The following ROBO1 variants were observed in gnomAD, a reference collection of about 807,000 sequenced individuals.
The protein encoded by ROBO1 is roundabout homolog 1.
ROBO1 carries 149 observed loss-of-function variants against 195.9 expected under a neutral mutation model. The observed-to-expected ratio is 0.76, with a 90% CI of 0.67 to 0.87. ROBO1 has a LOEUF of 0.87. ROBO1 is among the 40% of genes least tolerant of loss of function. The probability of loss-of-function intolerance (pLI) is 0.00; values close to 1 mark genes in which losing one functional copy is unlikely to be tolerated. For synonymous variants in ROBO1, 816 were observed against 733.2 expected, an observed-to-expected ratio of 1.11 and a Z score of -1.82; for missense variants, 1,933 against 2,068.3, an observed-to-expected ratio of 0.93 and a Z score of 1.27.
intron 2 of ROBO1, among the ~76,000 whole-genome samples, chr3:79,205,218 C>T (rs988787695): frequency 6.6e-6 from 1 of 151,914 alleles, no homozygotes; most frequent in African/African-American, 2.4e-5. Flanking sequence ...GGTCTCAAAC[C>T]CCTGTCCTCA....
chr3:79,293,712 G>C (rs1401624976), intron 2 of ROBO1, among the ~76,000 whole-genome samples: 1 of 152,066 alleles, frequency 6.6e-6, no homozygotes, highest in Non-Finnish European at 1.5e-5. Context: ...GTAATTTATA[G>C]ATTCAATGCT....
chr3:78,795,280 T>G (rs1221432995), intron 4 of ROBO1, among the ~76,000 whole-genome samples: 1 of 152,232 alleles, frequency 6.6e-6, no homozygotes, highest in Non-Finnish European at 1.5e-5. Flanking sequence ...TCTCCATTAG[T>G]AAATATGAAG....
intron 8 of ROBO1, among the ~76,000 whole-genome samples, chr3:78,709,838 GATA>G (rs1312900855): frequency 6.6e-6 from 1 of 152,180 alleles, no homozygotes; most frequent in Non-Finnish European, 1.5e-5. Flanking sequence ...CACTCTTAGA[GATA>G]ACGGAATGGA....
At chr3:79,389,664 GA>G (rs1391854261) in intron 2 of ROBO1, among the ~76,000 whole-genome samples, 2 of 152,104 alleles carry the variant, frequency 1.3e-5, no homozygotes, top group Admixed American at 6.6e-5. Flanking sequence ...TATCTAAGTG[GA>G]ACCATCCATG....
intron 1 of ROBO1, among the ~76,000 whole-genome samples, chr3:79,592,361 C>T (rs746666798): frequency 1.3e-5 from 2 of 151,902 alleles, no homozygotes; most frequent in Non-Finnish European, 2.9e-5. Flanking sequence ...TAATATTCCT[C>T]AAATAAATTT....
At chr3:78,919,698 T>C (rs919318489) in intron 4 of ROBO1, among the ~76,000 whole-genome samples, 4 of 152,218 alleles carry the variant, frequency 2.6e-5, no homozygotes, top group African/African-American at 9.6e-5. Flanking sequence ...ACTTTGTCTT[T>C]ACATCACAGA....
chr3:79,137,955 C>T (rs1002248817), intron 2 of ROBO1, among the ~76,000 whole-genome samples: 1 of 152,004 alleles, frequency 6.6e-6, no homozygotes, highest in Admixed American at 6.5e-5. Context: ...AGAACTTCTT[C>T]ATGTGTCCTT....
chr3:79,490,303 C>T (rs1166867533), intron 2 of ROBO1, among the ~76,000 whole-genome samples: 1 of 152,192 alleles, frequency 6.6e-6, no homozygotes, highest in Non-Finnish European at 1.5e-5. Flanking sequence ...CCTTTGTCAT[C>T]CCCATGGACT....
intron 1 of ROBO1, among the ~76,000 whole-genome samples, chr3:79,675,013 T>C (rs1345584790): frequency 6.6e-6 from 1 of 151,934 alleles, no homozygotes; most frequent in African/African-American, 2.4e-5. Context: ...TAACAAAAAG[T>C]AAAAATGTCA....
chr3:78,990,045 C>A (rs547026866), intron 3 of ROBO1, among the ~76,000 whole-genome samples: 78 of 152,088 alleles, frequency 5.1e-4, no homozygotes, highest in African/African-American at 1.6e-3. Flanking sequence ...ATAGCAAGAG[C>A]CACTGCAGGA....
chr3:79,289,726 C>A (rs1025660689), intron 2 of ROBO1, among the ~76,000 whole-genome samples: 7 of 152,104 alleles, frequency 4.6e-5, no homozygotes, highest in African/African-American at 1.7e-4. Context: ...AATATTGTGA[C>A]TGGAGGGATA....
Position 79,613,715 on chromosome 3 carries a change from A to G in ROBO1, c.-50-23754T>C, listed in dbSNP as rs112304412. On this transcript the variant is annotated intron_variant, in intron 1 of 30. Transcript: ENST00000464233. ...TAGATATGAAAGTCCCAGAGAGGGA[A>G]TTCACTGGCTTTGCTTTGCCAAGGT... Among the ~76,000 whole-genome samples the G allele has an allele frequency of 4.3e-3, 651 of 152,172 alleles. 5 individuals carry two copies. Among genetic ancestry groups the G allele is most frequent in the African/African-American group, 0.015 (620 of 41,552 alleles).
intron 1 of ROBO1, among the ~76,000 whole-genome samples, chr3:79,622,371 G>A (rs1018655804): frequency 6.6e-6 from 1 of 152,194 alleles, no homozygotes; most frequent in Non-Finnish European, 1.5e-5. Flanking sequence ...CTAAGCTTTT[G>A]GAACTCCTTG....
chr3:79,080,661 A>G (rs2079255959), intron 3 of ROBO1, among the ~76,000 whole-genome samples: 1 of 152,102 alleles, frequency 6.6e-6, no homozygotes, highest in African/African-American at 2.4e-5. Context: ...TGATCCTTCA[A>G]TGAAATGAGT....
Position 79,008,540 on chromosome 3 carries a change from A to G in ROBO1, c.173-69613T>C, listed in dbSNP as rs74331503. Among the ~76,000 whole-genome samples the G allele has an allele frequency of 9.1e-3, 1,379 of 151,976 alleles. 8 individuals are homozygous for G. Among genetic ancestry groups the G allele is most frequent in the Non-Finnish European group, 0.014 (979 of 67,946 alleles). ...GTGTATACATATATATAGTATACAT[A>G]CAAAGTAACATATACATGTATATTA... On this transcript the variant is annotated intron_variant, in intron 3 of 30. Transcript: ENST00000464233.
intron 2 of ROBO1, among the ~76,000 whole-genome samples, chr3:79,563,797 A>C (rs945340405): frequency 6.6e-6 from 1 of 152,108 alleles, no homozygotes; most frequent in African/African-American, 2.4e-5. Context: ...TATTTAATGC[A>C]GAAAACTGGA....
At chr3:79,398,710 T>A (rs183879444) in intron 2 of ROBO1, among the ~76,000 whole-genome samples, 2 of 152,242 alleles carry the variant, frequency 1.3e-5, no homozygotes, top group East Asian at 3.9e-4. Context: ...ACCAACTAAA[T>A]GTTGGTGGCA....
chr3:79,560,536 TA>T (rs1235641216), intron 2 of ROBO1, among the ~76,000 whole-genome samples: 1 of 63,136 alleles, frequency 1.6e-5, no homozygotes, highest in Non-Finnish European at 2.9e-5. Context: ...TAATAATAAT[TA>T]TATATATATA....
chr3:79,492,495 C>T (rs1009671281), intron 2 of ROBO1, among the ~76,000 whole-genome samples: 5 of 148,800 alleles, frequency 3.4e-5, no homozygotes, highest in African/African-American at 7.4e-5. Context: ...TTATGAAAAC[C>T]ATTTATGAGT....
Sources: gnomAD v4.1 joint callset for allele counts (sites outside exome capture counted in the v4.1 genomes callset) on GRCh38, gnomAD v4.1.1 for gene constraint, MANE v1.5 for transcripts, NCBI Gene and HGNC (gene_info 2026-07-23, HGNC 2026-07-21) for gene names.